Variants in DLG3 observed in about 807,000 individuals in gnomAD.
DLG3 encodes discs large MAGUK scaffold protein 3.
In DLG3, 1 loss-of-function variant was observed where a neutral mutation model predicts 64.1. The ratio of observed to expected loss-of-function variants is 0.02; its 90% CI spans 0.01 to 0.07. DLG3 has a LOEUF of 0.07. Among genes scored for constraint, DLG3 ranks in the 10% least tolerant of loss-of-function variants. The pLI, the probability that DLG3 is intolerant of heterozygous loss-of-function variation, is 1.00. For missense variants in DLG3, 429 were observed against 669.5 expected (o/e 0.64, Z 3.96); for synonymous variants, 245 against 259.8 (o/e 0.94, Z 0.55).
At position 70,453,522 on chromosome X, in the gene DLG3, T is replaced by C. The variant is rs1366125655; in HGVS notation, c.1146-115T>C. On this transcript the variant is annotated intron_variant, in intron 7 of 18. Coordinates refer to ENST00000374360, the MANE Select transcript of DLG3 (RefSeq NM_021120.4). ...AAAGGGAGGCTCAGGGTATCATACATAGGGAACCACGTCCTTACTCCCTAC... is the reference window on the plus strand; with the variant it reads ...AAAGGGAGGCTCAGGGTATCATACACAGGGAACCACGTCCTTACTCCCTAC... 3.7e-6 allele frequency: 4 copies of C among 1,081,988 alleles called. No individual in the cohort carries two copies. The African/African-American group carries it at 7.4e-5, about 20-fold the overall frequency. The allele number at this position is 1,081,988 out of a possible 1,213,427, so 89.2% of individuals were successfully genotyped here. A position where few individuals can be genotyped will look rare whatever the true frequency, so the allele number is the denominator to read the frequency against.
At chrX:70,479,302 C>T (rs753252097) in intron 10 of DLG3, 38 bp downstream of exon 10, 43 of 1,029,677 alleles carry the variant, frequency 4.2e-5, no homozygotes, top group Admixed American at 4.4e-5. Flanking sequence ...TTGTGCTGGA[C>T]GAGGAGAGCT....
Position 70,502,393 on chromosome X carries a change from G to T in DLG3, c.*124G>T. The T allele has an allele frequency of 4.5e-5, 22 of 489,176 alleles. No homozygotes were observed. The highest frequency in any genetic ancestry group is 4.6e-4 in the Middle Eastern group (1 of 2,188). The allele number at this position is 489,176 out of a possible 1,213,427, so 40.3% of individuals were successfully genotyped here. On this transcript the variant is annotated 3_prime_UTR_variant, in exon 19 of 19. Transcript: ENST00000374360. Reference sequence around the variant, plus strand: ...TGTTCTTGTCCCCTTTTTTAGATATGTCAAAAAAAATTAAGTTTTCTAGTC... The same window carrying T: ...TGTTCTTGTCCCCTTTTTTAGATATTTCAAAAAAAATTAAGTTTTCTAGTC...
At chrX:70,461,932 G>A (rs2086808227) in intron 9 of DLG3, among the ~76,000 whole-genome samples, 1 of 110,491 alleles carries the variant, frequency 9.1e-6, no homozygotes, top group Admixed American at 9.7e-5. Context: ...TCATTGAAAG[G>A]GTACAACAAT....
At chrX:70,457,794 A>G (rs2086738749) in intron 9 of DLG3, among the ~76,000 whole-genome samples, 1 of 110,569 alleles carries the variant, frequency 9.0e-6, no homozygotes, top group Admixed American at 9.6e-5. Flanking sequence ...GATGGTCTCA[A>G]TCTCCTGACC....
intron 1 of DLG3, among the ~76,000 whole-genome samples, chrX:70,445,950 C>T (rs1337034620): frequency 1.7e-4 from 10 of 57,200 alleles, no homozygotes; most frequent in Non-Finnish European, 3.3e-4. Flanking sequence ...TGGTGCTCTG[C>T]GTAGGGGGGA....
chrX:70,455,245 G>A, intron 9 of DLG3: 2 of 754,830 alleles, frequency 2.6e-6, no homozygotes, highest in South Asian at 1.3e-4. Context: ...ACTAGATCTG[G>A]ACTCCGACCC....
rs1032762904 is a variant in DLG3 at position 70,499,422 on chromosome X, A to G, written c.1972+145A>G. The G allele has an allele frequency of 7.6e-5, 39 of 516,475 alleles. No homozygotes were observed. In the Admixed American group the frequency reaches 1.0e-3, roughly 14 times the overall value. The allele number at this position is 516,475 out of a possible 1,213,427, so 42.6% of individuals were successfully genotyped here. ...GACACGCTGGAAAACAGTAGGTGGC[A>G]ATATATTCCCCAAAAGCTGATGGGG... On this transcript the variant is annotated intron_variant, in intron 15 of 18. Coordinates refer to ENST00000374360, the MANE Select transcript of DLG3 (RefSeq NM_021120.4).
At chrX:70,498,650 G>A (rs2087500034) in intron 14 of DLG3, 80 bp downstream of exon 14, 2 of 941,167 alleles carry the variant, frequency 2.1e-6, no homozygotes, top group Non-Finnish European at 3.0e-6. Context: ...TGTGGCAGCA[G>A]AGGGAGGGAC....
Position 70,452,117 on chromosome X carries a change from T to C in DLG3, c.1145+91T>C, listed in dbSNP as rs1219735252. The C allele has an allele frequency of 1.1e-5, 13 of 1,135,307 alleles. No individual in the cohort carries two copies. The East Asian group carries it at 3.1e-4, about 27-fold the overall frequency. The allele number at this position is 1,135,307 out of a possible 1,213,427, so 93.6% of individuals were successfully genotyped here. A position where few individuals can be genotyped will look rare whatever the true frequency, so the allele number is the denominator to read the frequency against. On this transcript the variant is annotated intron_variant, in intron 7 of 18. Coordinates refer to ENST00000374360, the MANE Select transcript of DLG3 (RefSeq NM_021120.4). ...CTGGCCGGCCACAGGCTCCTTGTAG[T>C]ATGGCAAAGAAGAGGATAAGGCCCT... is the stretch of plus-strand genomic sequence containing the variant.
chrX:70,457,867 G>T (rs746289130), intron 9 of DLG3, among the ~76,000 whole-genome samples: 2 of 102,737 alleles, frequency 1.9e-5, no homozygotes, highest in African/African-American at 7.2e-5. Flanking sequence ...CACTGTGCCC[G>T]GCCTAAAACT....
chrX:70,464,319 A>G (rs2086853396), intron 9 of DLG3, among the ~76,000 whole-genome samples: 1 of 104,290 alleles, frequency 9.6e-6, no homozygotes, highest in Non-Finnish European at 1.9e-5. Context: ...CTGGAGTGCA[A>G]TGGTGTGATC....
At chrX:70,463,354 C>A (rs1392718215) in intron 9 of DLG3, among the ~76,000 whole-genome samples, 2 of 110,580 alleles carry the variant, frequency 1.8e-5, no homozygotes, top group Non-Finnish European at 3.8e-5. Flanking sequence ...ATCATGTTGG[C>A]CAGGCTGGTC....
At chrX:70,483,141 A>T (rs1469054621) in intron 10 of DLG3, among the ~76,000 whole-genome samples, 1 of 109,970 alleles carries the variant, frequency 9.1e-6, no homozygotes, top group Non-Finnish European at 1.9e-5. Context: ...TTAATTAGCC[A>T]GGTGTGGTGG....
intron 9 of DLG3, among the ~76,000 whole-genome samples, chrX:70,461,431 A>G (rs2086798620): frequency 8.9e-6 from 1 of 112,185 alleles, no homozygotes; most frequent in Non-Finnish European, 1.9e-5. Context: ...GACCAGAGCA[A>G]GCCAACTATG....
chrX:70,481,487 G>A (rs1311104820), intron 10 of DLG3, among the ~76,000 whole-genome samples: 1 of 112,276 alleles, frequency 8.9e-6, no homozygotes, highest in East Asian at 2.8e-4. Flanking sequence ...AGGAAGGACT[G>A]TACTAGGCAG....
intron 12 of DLG3, among the ~76,000 whole-genome samples, chrX:70,494,794 C>T (rs761716202): frequency 1.8e-5 from 2 of 112,486 alleles, no homozygotes; most frequent in East Asian, 2.8e-4. Flanking sequence ...CTGAGCTCAT[C>T]CCCCAAGATC....
At chrX:70,482,670 T>TTTTTG (rs2087181669) in intron 10 of DLG3, among the ~76,000 whole-genome samples, 2 of 87,351 alleles carry the variant, frequency 2.3e-5, no homozygotes, top group African/African-American at 4.5e-5. Flanking sequence ...GTGTTTTTTT[T>TTTTTG]TTTTTTTTTT....
chrX:70,470,465 C>T (rs2086952009), intron 9 of DLG3, among the ~76,000 whole-genome samples: 2 of 111,735 alleles, frequency 1.8e-5, no homozygotes, highest in South Asian at 7.6e-4. Flanking sequence ...TCCTCATCTC[C>T]AGTGGTCCGC....
At chrX:70,490,538 A>T (rs1405644782) in intron 10 of DLG3, among the ~76,000 whole-genome samples, 1 of 112,173 alleles carries the variant, frequency 8.9e-6, no homozygotes, top group African/African-American at 3.2e-5. Flanking sequence ...GAGTTTGGGT[A>T]TTTTCATTTT....
Sources: gnomAD v4.1 joint callset for allele counts (sites outside exome capture counted in the v4.1 genomes callset) on GRCh38, gnomAD v4.1.1 for gene constraint, MANE v1.5 for transcripts, NCBI Gene and HGNC (gene_info 2026-07-23, HGNC 2026-07-21) for gene names.